Variants in PDE4D observed in about 807,000 individuals in gnomAD.
PDE4D encodes the protein phosphodiesterase 4D.
Under a neutral mutation model 87.4 loss-of-function variants are expected in PDE4D, and 24 were observed. That is an observed-to-expected ratio of 0.27 (90% CI 0.20 to 0.39). The LOEUF (loss-of-function observed/expected upper bound fraction) is 0.39. Ranked by LOEUF, PDE4D falls within the 10% of genes least tolerant of loss-of-function variation. PDE4D has a pLI of 1.00. For synonymous variants in PDE4D, 384 were observed against 383.2 expected, an observed-to-expected ratio of 1.00 and a Z score of -0.02; for missense variants, 714 against 1,041.0, an observed-to-expected ratio of 0.69 and a Z score of 4.32.
At chr5:59,408,493 A>C (rs1281010313) in intron 1 of PDE4D, among the ~76,000 whole-genome samples, 1 of 152,214 alleles carries the variant, frequency 6.6e-6, no homozygotes, top group Non-Finnish European at 1.5e-5. Context: ...TATGGGATTG[A>C]AGCCCTGCCC....
chr5:59,422,132 A>G (rs1451786263), intron 1 of PDE4D, among the ~76,000 whole-genome samples: 3 of 152,188 alleles, frequency 2.0e-5, no homozygotes, highest in African/African-American at 4.8e-5. Context: ...TTCCCTGGGG[A>G]TGATGAGGCC....
chr5:59,792,017 G>A (rs575344608), intron 1 of PDE4D, among the ~76,000 whole-genome samples: 26 of 152,246 alleles, frequency 1.7e-4, no homozygotes, highest in South Asian at 4.1e-4. Flanking sequence ...GTGTGGCTCC[G>A]AAACACAATA....
chr5:60,238,427 T>C (rs1407772969), intron 1 of PDE4D, among the ~76,000 whole-genome samples: 1 of 152,022 alleles, frequency 6.6e-6, no homozygotes, highest in East Asian at 1.9e-4. Flanking sequence ...GATATATGCC[T>C]AGAAGTGGAA....
chr5:59,693,549 C>A (rs1751304938), intron 1 of PDE4D, among the ~76,000 whole-genome samples: 1 of 152,108 alleles, frequency 6.6e-6, no homozygotes. Flanking sequence ...GGAACTTTTA[C>A]AGCAAATTCA....
At chr5:59,709,373 G>A (rs1164857969) in intron 1 of PDE4D, among the ~76,000 whole-genome samples, 1 of 152,110 alleles carries the variant, frequency 6.6e-6, no homozygotes, top group Non-Finnish European at 1.5e-5. Flanking sequence ...ACTGATTCCT[G>A]GGTGGTTTCA....
intron 1 of PDE4D, among the ~76,000 whole-genome samples, chr5:59,404,085 T>C (rs1379197432): frequency 2.0e-5 from 3 of 152,222 alleles, no homozygotes; most frequent in African/African-American, 7.2e-5. Flanking sequence ...TATGACTGTT[T>C]GCCATTTGTA....
intron 1 of PDE4D, among the ~76,000 whole-genome samples, chr5:59,447,471 C>T (rs1798518364): frequency 6.6e-6 from 1 of 152,302 alleles, no homozygotes; most frequent in Middle Eastern, 3.4e-3. Flanking sequence ...TCACATTGCT[C>T]CTGCCCTCCA....
rs576926030 is a variant in PDE4D at position 59,107,896 on chromosome 5, A to G, written c.809-68925T>C. 1.9e-3 allele frequency among the ~76,000 whole-genome samples: 282 copies of G among 152,278 alleles called. 1 individual carries two copies. Among genetic ancestry groups the G allele is most frequent in the African/African-American group, 6.5e-3 (271 of 41,568 alleles). ...GAAGAAATTCTGACTACCTTGCTGG[A>G]GAGTTCACATGAGGAATCCACATGG... is the stretch of plus-strand genomic sequence containing the variant. On this transcript the variant is annotated intron_variant, in intron 5 of 14. Coordinates refer to ENST00000340635, the MANE Select transcript of PDE4D (RefSeq NM_001104631.2).
intron 1 of PDE4D, among the ~76,000 whole-genome samples, chr5:60,431,965 C>A (rs956185934): frequency 2.0e-5 from 3 of 152,186 alleles, no homozygotes; most frequent in African/African-American, 4.8e-5. Flanking sequence ...CGCAGGCACT[C>A]GCAGGCTGAG....
chr5:59,283,297 C>T (rs1766207016), intron 1 of PDE4D, among the ~76,000 whole-genome samples: 1 of 152,096 alleles, frequency 6.6e-6, no homozygotes, highest in South Asian at 2.1e-4. Context: ...TTGGTTTGTG[C>T]TTTTGTCTTC....
chr5:59,981,527 T>A (rs1000538165), intron 3 of PDE4D, among the ~76,000 whole-genome samples: 3 of 152,212 alleles, frequency 2.0e-5, no homozygotes. Flanking sequence ...TAAAATTTCA[T>A]CTAGCTCAAG....
intron 2 of PDE4D, among the ~76,000 whole-genome samples, chr5:60,098,357 T>G (rs2662444): frequency 0.32 from 48,296 of 151,752 alleles, 8,256 homozygotes; most frequent in East Asian, 0.74. Flanking sequence ...GGGTTGAATC[T>G]GTATATTACA....
intron 1 of PDE4D, among the ~76,000 whole-genome samples, chr5:59,614,001 A>T (rs1396998715): frequency 6.6e-6 from 1 of 152,142 alleles, no homozygotes. Context: ...TTACAAAAAA[A>T]TTTTTCTATA....
At chr5:60,249,751 G>T (rs539299304) in intron 1 of PDE4D, among the ~76,000 whole-genome samples, 1 of 151,878 alleles carries the variant, frequency 6.6e-6, no homozygotes, top group African/African-American at 2.4e-5. Context: ...ATAGAAAATG[G>T]GATGAGAAAA....
At chr5:60,378,371 T>C (rs1482593179) in intron 1 of PDE4D, among the ~76,000 whole-genome samples, 2 of 152,172 alleles carry the variant, frequency 1.3e-5, no homozygotes, top group African/African-American at 4.8e-5. Context: ...GATCCAAGTT[T>C]ACCTACTTAA....
intron 3 of PDE4D, among the ~76,000 whole-genome samples, chr5:59,926,348 G>A (rs1364430015): frequency 6.6e-6 from 1 of 151,810 alleles, no homozygotes; most frequent in Admixed American, 6.6e-5. Context: ...AAACCTAACG[G>A]GTACAGTTGC....
chr5:59,566,653 A>C (rs1010532004), intron 1 of PDE4D, among the ~76,000 whole-genome samples: 1 of 151,962 alleles, frequency 6.6e-6, no homozygotes, highest in Non-Finnish European at 1.5e-5. Flanking sequence ...CATAAACTCC[A>C]TAGGGGCAAG....
chr5:60,337,297 C>A (rs1355289742), intron 1 of PDE4D, among the ~76,000 whole-genome samples: 2 of 147,556 alleles, frequency 1.4e-5, no homozygotes, highest in African/African-American at 5.0e-5. Context: ...TGTGCTGCTG[C>A]ACTCAAGCCT....
At chr5:59,512,226 C>T (rs976407862) in intron 1 of PDE4D, among the ~76,000 whole-genome samples, 1 of 152,104 alleles carries the variant, frequency 6.6e-6, no homozygotes, top group African/African-American at 2.4e-5. Context: ...TAGACTACAC[C>T]CTTTTGAATG....
Sources: gnomAD v4.1 joint callset for allele counts (sites outside exome capture counted in the v4.1 genomes callset) on GRCh38, gnomAD v4.1.1 for gene constraint, MANE v1.5 for transcripts, NCBI Gene and HGNC (gene_info 2026-07-23, HGNC 2026-07-21) for gene names.